Variants in MBNL1 observed in about 807,000 individuals in gnomAD.
MBNL1 encodes the protein muscleblind like splicing regulator 1, also known as muscleblind-like protein 1.
A neutral mutation model predicts 42.2 loss-of-function variants in MBNL1; 8 were observed. The observed-to-expected ratio is 0.19, with a 90% CI of 0.11 to 0.34. The LOEUF is 0.34. Ranked by LOEUF, MBNL1 falls within the 10% of genes least tolerant of loss-of-function variation. The probability of loss-of-function intolerance (pLI) is 1.00; values close to 1 mark genes in which losing one functional copy is unlikely to be tolerated. For synonymous variants in MBNL1, 169 were observed against 173.9 expected, an observed-to-expected ratio of 0.97 and a Z score of 0.22; for missense variants, 309 against 495.3, an observed-to-expected ratio of 0.62 and a Z score of 3.57.
At chr3:152,283,228 G>C (rs2049543809) in intron 1 of MBNL1, among the ~76,000 whole-genome samples, 1 of 152,070 alleles carries the variant, frequency 6.6e-6, no homozygotes. Flanking sequence ...TACTTGGTGG[G>C]GAAATTATAA....
At chr3:152,416,140 C>G (rs2098698870) in intron 3 of MBNL1, among the ~76,000 whole-genome samples, 1 of 152,140 alleles carries the variant, frequency 6.6e-6, no homozygotes, top group Admixed American at 6.5e-5. Flanking sequence ...AACCTGAACT[C>G]AATGTAATTA....
chr3:152,372,599 C>A (rs1016751003), intron 2 of MBNL1, among the ~76,000 whole-genome samples: 2 of 152,198 alleles, frequency 1.3e-5, no homozygotes, highest in Admixed American at 6.5e-5. Flanking sequence ...CCACTCCAGA[C>A]CCTGTTTGCC....
intron 1 of MBNL1, among the ~76,000 whole-genome samples, chr3:152,289,009 A>T (rs1373709035): frequency 1.3e-5 from 2 of 152,066 alleles, no homozygotes; most frequent in African/African-American, 4.8e-5. Flanking sequence ...TAGATAAAGT[A>T]CAGCATAGGC....
At chr3:152,454,176 A>G (rs1358871965) in intron 6 of MBNL1, among the ~76,000 whole-genome samples, 1 of 152,160 alleles carries the variant, frequency 6.6e-6, no homozygotes, top group Non-Finnish European at 1.5e-5. Context: ...TCAATATAAT[A>G]TTATTCCACT....
At chr3:152,297,605 C>G (rs562426591) in intron 1 of MBNL1, among the ~76,000 whole-genome samples, 1 of 151,998 alleles carries the variant, frequency 6.6e-6, no homozygotes, top group African/African-American at 2.4e-5. Flanking sequence ...CTGCCTGCCT[C>G]GGCCTCCCAA....
intron 2 of MBNL1, among the ~76,000 whole-genome samples, chr3:152,364,932 G>C (rs1412350521): frequency 6.6e-6 from 1 of 151,652 alleles, no homozygotes; most frequent in Non-Finnish European, 1.5e-5. Context: ...CGATGTACTA[G>C]CAGCTGCATG....
chr3:152,441,619 A>C (rs936651984), intron 4 of MBNL1, among the ~76,000 whole-genome samples: 11 of 152,190 alleles, frequency 7.2e-5, no homozygotes, highest in Non-Finnish European at 1.5e-4. Flanking sequence ...TAAAGTTTAT[A>C]ATTATTCCAT....
At chr3:152,280,144 C>A (rs1023752582) in intron 1 of MBNL1, among the ~76,000 whole-genome samples, 4 of 151,984 alleles carry the variant, frequency 2.6e-5, no homozygotes, top group African/African-American at 9.7e-5. Context: ...TCATGCTATA[C>A]CCTTTGGAGG....
At chr3:152,254,054 G>A (rs2035083587) in intron 2 of MBNL1, among the ~76,000 whole-genome samples, 1 of 152,020 alleles carries the variant, frequency 6.6e-6, no homozygotes, top group South Asian at 2.1e-4. Flanking sequence ...AGCATAGTAG[G>A]TGCTCAGTAA....
At chr3:152,422,116 A>AT (rs905049187) in intron 3 of MBNL1, among the ~76,000 whole-genome samples, 3 of 152,204 alleles carry the variant, frequency 2.0e-5, no homozygotes, top group Non-Finnish European at 2.9e-5. Flanking sequence ...AAATCTCTCA[A>AT]TTAAAAGACG....
intron 4 of MBNL1, among the ~76,000 whole-genome samples, chr3:152,443,187 C>CA (rs200478339): frequency 2.7e-5 from 4 of 148,266 alleles, no homozygotes; most frequent in African/African-American, 1.0e-4. Flanking sequence ...GAAACCCCCC[C>CA]CCCCACACAC....
intron 6 of MBNL1, among the ~76,000 whole-genome samples, chr3:152,454,301 CCG>C (rs1277969563): frequency 2.0e-5 from 3 of 152,142 alleles, no homozygotes; most frequent in African/African-American, 4.8e-5. Context: ...GTTAAGTAAT[CCG>C]TGTTTCAGCT....
chr3:152,275,532 A>T (rs1439088654), intron 1 of MBNL1, among the ~76,000 whole-genome samples: 1 of 151,998 alleles, frequency 6.6e-6, no homozygotes, highest in Non-Finnish European at 1.5e-5. Flanking sequence ...AACATGGTGA[A>T]ACCCCGTCTC....
At chr3:152,250,527 A>G (rs1020874865) in intron 2 of MBNL1, among the ~76,000 whole-genome samples, 1 of 152,092 alleles carries the variant, frequency 6.6e-6, no homozygotes, top group African/African-American at 2.4e-5. Flanking sequence ...GAGCTGAGAC[A>G]ATGGGGTTTT....
intron 6 of MBNL1, among the ~76,000 whole-genome samples, chr3:152,451,760 G>A (rs1326502326): frequency 2.0e-5 from 3 of 152,194 alleles, no homozygotes; most frequent in Non-Finnish European, 4.4e-5. Context: ...AAAGAGCTAC[G>A]TTTTATTGAA....
intron 9 of MBNL1, among the ~76,000 whole-genome samples, chr3:152,462,026 A>G (rs1341400698): frequency 6.6e-6 from 1 of 152,126 alleles, no homozygotes; most frequent in Non-Finnish European, 1.5e-5. Context: ...TACTCTTGAA[A>G]CCTTATTAAA....
At chr3:152,346,285 G>A (rs560339030) in intron 2 of MBNL1, among the ~76,000 whole-genome samples, 4 of 152,208 alleles carry the variant, frequency 2.6e-5, no homozygotes, top group African/African-American at 9.6e-5. Context: ...ATCCTCAACT[G>A]TGTCCACTCA....
intron 1 of MBNL1, among the ~76,000 whole-genome samples, chr3:152,270,237 G>C (rs1193035794): frequency 6.6e-6 from 1 of 152,104 alleles, no homozygotes; most frequent in Non-Finnish European, 1.5e-5. Context: ...ACCAGCACAG[G>C]CACAAGTCAT....
At chr3:152,364,721 A>G (rs530794666) in intron 2 of MBNL1, among the ~76,000 whole-genome samples, 1 of 152,140 alleles carries the variant, frequency 6.6e-6, no homozygotes, top group Non-Finnish European at 1.5e-5. Flanking sequence ...AACTAGTAAC[A>G]TTAAGTTTTG....
Sources: gnomAD v4.1 joint callset for allele counts (sites outside exome capture counted in the v4.1 genomes callset) on GRCh38, gnomAD v4.1.1 for gene constraint, MANE v1.5 for transcripts, NCBI Gene and HGNC (gene_info 2026-07-23, HGNC 2026-07-21) for gene names.